ACADL: variants seen among roughly 807,000 people sequenced by gnomAD.
ACADL encodes long-chain specific acyl-CoA dehydrogenase, mitochondrial.
ACADL carries 60 observed loss-of-function variants against 56.9 expected under a neutral mutation model. That is an observed-to-expected ratio of 1.05 (90% confidence interval 0.86 to 1.31). ACADL has a LOEUF of 1.31. Ranked by LOEUF, ACADL falls within the 50% of genes most tolerant of loss-of-function variation. The pLI, the probability that ACADL is intolerant of heterozygous loss-of-function variation, is 0.00. For synonymous variants in ACADL, 158 were observed against 179.7 expected, an observed-to-expected ratio of 0.88 and a Z score of 0.97; for missense variants, 484 against 525.5, an observed-to-expected ratio of 0.92 and a Z score of 0.77.
Position 210,220,619 on chromosome 2 carries a change from T to C in ACADL, c.233+28A>G, listed in dbSNP as rs774816982. On this transcript the variant is annotated intron_variant, in intron 2 of 10. Coordinates refer to ENST00000233710, the MANE Select transcript of ACADL (RefSeq NM_001608.4). ...GGTCCTATAATACCCCTAGTATACA[T>C]TACATTAGAGGAAAATGTGCCACTT... is the stretch of plus-strand genomic sequence containing the variant. 16 of 1,607,430 alleles carry C rather than the reference T, an allele frequency of 1.0e-5. No homozygotes were observed. In the South Asian group the frequency reaches 1.7e-4, roughly 17 times the overall value.
rs575598617 is a variant in ACADL at position 210,204,012 on chromosome 2, T to A, written c.871-568A>T. ...AGCACATAAGTTAAATTCTACCTAT[T>A]AATGTAAAAGTAGCCTTAGTCAGTT... On this transcript the variant is annotated intron_variant, in intron 7 of 10. Transcript: ENST00000233710. Among the ~76,000 whole-genome samples the A allele has an allele frequency of 2.0e-5, 3 of 152,342 alleles. No homozygotes were observed. The South Asian group carries it at 6.2e-4, about 32-fold the overall frequency.
At chr2:210,221,912 T>G (rs1185497122) in intron 1 of ACADL, among the ~76,000 whole-genome samples, 1 of 152,120 alleles carries the variant, frequency 6.6e-6, no homozygotes, top group East Asian at 1.9e-4. Context: ...GTATTTTTAG[T>G]AGAGACGGGG....
chr2:210,194,602 G>C (rs568912030), intron 9 of ACADL, among the ~76,000 whole-genome samples: 1 of 152,060 alleles, frequency 6.6e-6, no homozygotes, highest in Non-Finnish European at 1.5e-5. Context: ...AACTTAATAG[G>C]ATTTTTATTC....
chr2:210,218,369 A>C, intron 2 of ACADL: 3 of 385,500 alleles, frequency 7.8e-6, no homozygotes, highest in Non-Finnish European at 1.4e-5. Context: ...CAGCCTCAAA[A>C]TCCTGGGTTC....
At chr2:210,204,284 G>A (rs1175054526) in intron 7 of ACADL, among the ~76,000 whole-genome samples, 1 of 152,136 alleles carries the variant, frequency 6.6e-6, no homozygotes, top group African/African-American at 2.4e-5. Flanking sequence ...AGAGCTAAAA[G>A]TTTTTGAATT....
intron 1 of ACADL, among the ~76,000 whole-genome samples, chr2:210,222,016 A>C (rs984807278): frequency 6.6e-6 from 1 of 152,196 alleles, no homozygotes; most frequent in Non-Finnish European, 1.5e-5. Context: ...GGCATGAGCT[A>C]TTGTGCCCAG....
rs1231380953 is a variant in ACADL, at chr2:210,188,283, C to T, written c.*678G>A. Reference sequence around the variant, plus strand: ...TAAAAATGATGGATTATTCTGTGTTCTCAGATGTCAGCAATTGACAGAACC... The same window carrying T: ...TAAAAATGATGGATTATTCTGTGTTTTCAGATGTCAGCAATTGACAGAACC... On this transcript the variant is annotated 3_prime_UTR_variant, in exon 11 of 11. Transcript: ENST00000233710. The T allele has an allele frequency of 6.6e-6, 1 of 152,228 alleles. No individual in the cohort carries two copies. The highest frequency in any genetic ancestry group is 1.5e-5 in the Non-Finnish European group (1 of 68,084). 9.4% of individuals were successfully genotyped at this position (152,228 alleles called of 1,614,324 possible). A position where few individuals can be genotyped will look rare whatever the true frequency, so the allele number is the denominator to read the frequency against.
chr2:210,224,372 C>CTCTCAAA, intron 1 of ACADL: 1 of 985,044 alleles, frequency 1.0e-6, no homozygotes, highest in Non-Finnish European at 1.2e-6. Flanking sequence ...TGTTTCATAG[C>CTCTCAAA]TCTCAAATAA....
intron 10 of ACADL, among the ~76,000 whole-genome samples, chr2:210,190,699 A>G (rs1688616860): frequency 1.3e-5 from 2 of 152,114 alleles, no homozygotes; most frequent in Admixed American, 6.6e-5. Context: ...CCAGTTATTA[A>G]AGAAGACAAA....
At chr2:210,209,675 T>G (rs1303984445) in intron 5 of ACADL, 1 of 152,834 alleles carries the variant, frequency 6.5e-6, no homozygotes, top group East Asian at 1.9e-4. Context: ...TTTTTTAGTT[T>G]TTACTTTTAT....
chr2:210,202,912 A>AT (rs1483876792), intron 8 of ACADL, among the ~76,000 whole-genome samples: 1 of 152,074 alleles, frequency 6.6e-6, no homozygotes, highest in Non-Finnish European at 1.5e-5. Flanking sequence ...AATAATCTCC[A>AT]TATCATTGTA....
chr2:210,191,046 G>A (rs996053449), intron 10 of ACADL, among the ~76,000 whole-genome samples: 7 of 151,936 alleles, frequency 4.6e-5, no homozygotes, highest in Admixed American at 4.6e-4. Flanking sequence ...GAGTAGCTGG[G>A]ACTACAGGCA....
intron 8 of ACADL, 133 bp from the exon 9 acceptor site, chr2:210,195,471 C>G: frequency 1.0e-6 from 1 of 981,452 alleles, no homozygotes; most frequent in Non-Finnish European, 1.5e-6. Context: ...GTTTTTTCCT[C>G]CATAAAAATG....
intron 5 of ACADL, 61 bp downstream of exon 5, chr2:210,210,135 G>T: frequency 8.1e-7 from 1 of 1,236,392 alleles, no homozygotes; most frequent in Non-Finnish European, 1.2e-6. Context: ...TTGTCTTTGA[G>T]ACATTGTTAC....
chr2:210,198,140 C>T (rs1688738968), intron 8 of ACADL, among the ~76,000 whole-genome samples: 1 of 152,116 alleles, frequency 6.6e-6, no homozygotes, highest in Admixed American at 6.6e-5. Context: ...AATAATACTG[C>T]AGCTAGCATT....
At chr2:210,224,282 AAG>A in intron 1 of ACADL, 4 of 361,218 alleles carry the variant, frequency 1.1e-5, no homozygotes, top group Non-Finnish European at 1.5e-5. Context: ...TGTTCCAAGG[AAG>A]AGTTAAGTAT....
chr2:210,206,403 C>T (rs1380341610), intron 5 of ACADL, among the ~76,000 whole-genome samples: 2 of 151,878 alleles, frequency 1.3e-5, no homozygotes, highest in African/African-American at 4.8e-5. Flanking sequence ...TGCACCCCAA[C>T]CTGGGTGACA....
At chr2:210,193,650 TTTTC>T (rs1446499409) in intron 9 of ACADL, among the ~76,000 whole-genome samples, 5 of 152,150 alleles carry the variant, frequency 3.3e-5, no homozygotes, top group Admixed American at 2.0e-4. Flanking sequence ...CTTATTTTTC[TTTTC>T]TTTCTTTCTT....
Position 210,220,735 on chromosome 2 carries a change from T to C in ACADL, c.145A>G (p.Ile49Val), listed in dbSNP as rs886886470. ...PSAKKLTDIG[I>V]RRIFSPEHDI... Reference sequence around the variant, plus strand: ...TGCTCTGGAGAAAAGATTCTTCGAATTCCTATATCTGTTAATTTTTTAGCA... The same window carrying C: ...TGCTCTGGAGAAAAGATTCTTCGAACTCCTATATCTGTTAATTTTTTAGCA... Residue 49 changes from isoleucine to valine, a missense_variant, in exon 2 of 11, where the codon ATT becomes GTT. Coordinates refer to ENST00000233710, the MANE Select transcript of ACADL (RefSeq NM_001608.4). The C allele has an allele frequency of 6.2e-7, 1 of 1,612,962 alleles. No individual in the cohort carries two copies. The highest frequency in any genetic ancestry group is 1.3e-5 in the African/African-American group (1 of 75,014).
Sources: gnomAD v4.1 joint callset for allele counts (sites outside exome capture counted in the v4.1 genomes callset) on GRCh38, gnomAD v4.1.1 for gene constraint, MANE v1.5 for transcripts, NCBI Gene and HGNC (gene_info 2026-07-23, HGNC 2026-07-21) for gene names.